The following NEDD9 variants were observed in gnomAD, a reference collection of about 807,000 sequenced individuals.
NEDD9 encodes the protein neural precursor cell expressed, developmentally down-regulated 9.
Under a neutral mutation model 76.6 loss-of-function variants are expected in NEDD9, and 26 were observed. The ratio of observed to expected loss-of-function variants is 0.34; its 90% CI spans 0.25 to 0.47. The LOEUF is 0.47. Ranked by LOEUF, NEDD9 falls within the 20% of genes least tolerant of loss-of-function variation. The probability of loss-of-function intolerance (pLI) is 1.00; values close to 1 mark genes in which losing one functional copy is unlikely to be tolerated. For missense variants in NEDD9, 937 were observed against 1,058.5 expected (o/e 0.89, Z 1.59); for synonymous variants, 392 against 414.2 (o/e 0.95, Z 0.65).
chr6:11,361,228 A>G (rs1260663453), intron 1 of NEDD9, among the ~76,000 whole-genome samples: 1 of 152,194 alleles, frequency 6.6e-6, no homozygotes, highest in African/African-American at 2.4e-5. Flanking sequence ...GTTAAAGTCC[A>G]GCCAAACTCT....
At chr6:11,367,851 C>A (rs1404569972) in intron 1 of NEDD9, among the ~76,000 whole-genome samples, 3 of 152,214 alleles carry the variant, frequency 2.0e-5, no homozygotes, top group Non-Finnish European at 4.4e-5. Flanking sequence ...GCCATTTCGG[C>A]ACCTTCTACA....
At chr6:11,357,897 T>C (rs969891011) in intron 1 of NEDD9, among the ~76,000 whole-genome samples, 6 of 152,196 alleles carry the variant, frequency 3.9e-5, no homozygotes, top group African/African-American at 1.4e-4. Context: ...CAGCCTTCCC[T>C]GCCTTTCTTC....
At chr6:11,204,885 C>T (rs1758562738) in intron 2 of NEDD9, among the ~76,000 whole-genome samples, 1 of 152,014 alleles carries the variant, frequency 6.6e-6, no homozygotes, top group South Asian at 2.1e-4. Flanking sequence ...CTGAAACTGC[C>T]CACTACAGCT....
At chr6:11,360,891 C>A (rs1762668691) in intron 1 of NEDD9, among the ~76,000 whole-genome samples, 1 of 152,062 alleles carries the variant, frequency 6.6e-6, no homozygotes. Context: ...ATTCTGCGGA[C>A]AATGGAAGAG....
At chr6:11,290,081 C>G (rs1760733562) in intron 3 of NEDD9, among the ~76,000 whole-genome samples, 1 of 152,184 alleles carries the variant, frequency 6.6e-6, no homozygotes, top group Non-Finnish European at 1.5e-5. Flanking sequence ...CACAGGAGTT[C>G]TTTCCACTCG....
intron 3 of NEDD9, among the ~76,000 whole-genome samples, chr6:11,281,151 G>T (rs182574713): frequency 1.8e-4 from 27 of 152,344 alleles, no homozygotes; most frequent in African/African-American, 4.8e-4. Context: ...ATGCCCAAAT[G>T]CTTGTGTTGC....
chr6:11,377,929 T>C (rs527306240), intron 1 of NEDD9, among the ~76,000 whole-genome samples: 43 of 152,282 alleles, frequency 2.8e-4, no homozygotes, highest in Non-Finnish European at 6.0e-4. Context: ...TGAGTTCTTC[T>C]TCAATTAGTT....
chr6:11,229,463 G>A (rs1158506596), intron 1 of NEDD9, among the ~76,000 whole-genome samples: 2 of 151,966 alleles, frequency 1.3e-5, no homozygotes, highest in Admixed American at 6.6e-5. Flanking sequence ...ACACAGCTGC[G>A]CAGAGACCCT....
intron 2 of NEDD9, among the ~76,000 whole-genome samples, chr6:11,205,324 G>A (rs999109412): frequency 2.0e-5 from 3 of 152,164 alleles, no homozygotes; most frequent in African/African-American, 7.2e-5. Flanking sequence ...GGCGCCTTGG[G>A]GTCACCCCCA....
Position 11,241,625 on chromosome 6 carries a change from C to T in NEDD9, c.13-27898G>A, listed in dbSNP as rs1300043165. ...TCCGGGGGCGGAGGTAGGGACAGTACACAATGGGGGAGAAGGGAGTGTTTT... is the reference window on the plus strand; with the variant it reads ...TCCGGGGGCGGAGGTAGGGACAGTATACAATGGGGGAGAAGGGAGTGTTTT... On this transcript the variant is annotated intron_variant, in intron 3 of 3. Transcript: ENST00000397378. This position sits in a 1 kb window ranked among gnomAD's most constrained non-coding sequence, Gnocchi z 4.0. Among the ~76,000 whole-genome samples, 5 of 152,206 alleles carry T rather than the reference C, an allele frequency of 3.3e-5. No homozygotes were observed. Among genetic ancestry groups the T allele is most frequent in the African/African-American group, 7.2e-5 (3 of 41,454 alleles).
At chr6:11,346,080 G>T (rs530822984) in intron 1 of NEDD9, among the ~76,000 whole-genome samples, 11 of 152,272 alleles carry the variant, frequency 7.2e-5, no homozygotes, top group African/African-American at 2.6e-4. Flanking sequence ...ATGGTCTAGC[G>T]TGTTTATTTA....
At chr6:11,273,270 C>T (rs986965580) in intron 3 of NEDD9, among the ~76,000 whole-genome samples, 2 of 152,174 alleles carry the variant, frequency 1.3e-5, no homozygotes, top group Non-Finnish European at 2.9e-5. Flanking sequence ...TGTGAGTGTA[C>T]TTTACCTAAT....
chr6:11,245,901 A>G (rs1243220642), intron 3 of NEDD9, among the ~76,000 whole-genome samples: 2 of 152,198 alleles, frequency 1.3e-5, no homozygotes, highest in Non-Finnish European at 2.9e-5. Context: ...GAATAAGTCT[A>G]GTAAACAATA....
chr6:11,232,704 G>T (rs1475251007), upstream of NEDD9: 7 of 1,440,822 alleles, frequency 4.9e-6, no homozygotes, highest in Middle Eastern at 5.2e-4. Flanking sequence ...GCTGATCGCG[G>T]ACCTCATTTG....
rs1192742104 is a variant in NEDD9 at position 11,188,269 on chromosome 6, C to A, written c.1944G>T (p.Leu648Phe). ...EEFERQQKEL[L>F]EKENIMKQNK... is the part of the protein sequence containing the mutation. ...TCTGTTTCATGATATTCTCTTTTTC[C>A]AATAGCTCTTTCTGTTGCCTCTCAA... The change falls in exon 6 of 7, where the codon TTG becomes TTT. Residue 648 changes from leucine to phenylalanine, a missense_variant. Transcript: ENST00000379446. 5 of 1,613,970 alleles carry A rather than the reference C, an allele frequency of 3.1e-6. No individual in the cohort carries two copies. The highest frequency in any genetic ancestry group is 4.2e-6 in the Non-Finnish European group (5 of 1,180,010).
At chr6:11,257,522 A>G (rs992586263) in intron 3 of NEDD9, among the ~76,000 whole-genome samples, 4 of 152,156 alleles carry the variant, frequency 2.6e-5, no homozygotes, top group African/African-American at 9.7e-5. Context: ...CAAATAGACC[A>G]TGTGTTCTGA....
rs142392451 is a variant in NEDD9, at chr6:11,185,553, C to T, written c.2114G>A (p.Arg705Gln). 1.9e-6 allele frequency: 3 copies of T among 1,614,052 alleles called. No homozygotes were observed. The highest frequency in any genetic ancestry group is 2.2e-5 in the East Asian group (1 of 44,900). ...GTCATAGTAGAAGCACAGCAACTGC[C>T]GATCCTGAGCACTCACGCCACTGTT... ...TTNSGVSAQDRQLLCFYYDQC... is the reference protein window; with the variant it reads ...TTNSGVSAQDQQLLCFYYDQC... The change falls in exon 7 of 7, where the codon CGG becomes CAG. Residue 705 changes from arginine to glutamine, a missense_variant. Coordinates refer to ENST00000379446, the MANE Select transcript of NEDD9 (RefSeq NM_006403.4).
chr6:11,354,341 T>C (rs1421264668), intron 1 of NEDD9, among the ~76,000 whole-genome samples: 3 of 152,202 alleles, frequency 2.0e-5, no homozygotes, highest in East Asian at 1.9e-4. Flanking sequence ...AGCTCCATAT[T>C]TGGGAGCCCA....
chr6:11,267,140 C>T (rs1053913406), intron 3 of NEDD9, among the ~76,000 whole-genome samples: 4 of 152,210 alleles, frequency 2.6e-5, no homozygotes, highest in African/African-American at 9.7e-5. Context: ...CTGGCTGCTG[C>T]CTTCAATCGC....
Sources: gnomAD v4.1 joint callset for allele counts (sites outside exome capture counted in the v4.1 genomes callset) on GRCh38, gnomAD v4.1.1 for gene constraint, Gnocchi (gnomAD v3.1) non-coding constraint, MANE v1.5 for transcripts, NCBI Gene and HGNC (gene_info 2026-07-23, HGNC 2026-07-21) for gene names.